Variants in PDE4A observed in about 807,000 individuals in gnomAD.
PDE4A encodes phosphodiesterase 4A.
In PDE4A, 21 loss-of-function variants were observed where a neutral mutation model predicts 73.9. The observed-to-expected ratio is 0.28, with a 90% CI of 0.20 to 0.41. PDE4A has a LOEUF of 0.41. Ranked by LOEUF, PDE4A falls within the 10% of genes least tolerant of loss-of-function variation. The pLI, the probability that PDE4A is intolerant of heterozygous loss-of-function variation, is 1.00. For missense variants in PDE4A, 958 were observed against 1,211.4 expected (o/e 0.79, Z 3.10); for synonymous variants, 463 against 505.4 (o/e 0.92, Z 1.13).
At chr19:10,427,499 T>C (rs2042733079) in intron 1 of PDE4A, 2 of 985,380 alleles carry the variant, frequency 2.0e-6, no homozygotes, top group African/African-American at 1.7e-5. Context: ...TAAGGGCTCA[T>C]AGACCATTAG....
At chr19:10,435,561 A>AAC (rs35022243) in intron 1 of PDE4A, among the ~76,000 whole-genome samples, 37,962 of 145,228 alleles carry the variant, frequency 0.26, 5,022 homozygotes, top group East Asian at 0.49. Flanking sequence ...ACCCTGTATC[A>AAC]ACACACACAC....
At chr19:10,449,357 T>C (rs1599434236) in intron 4 of PDE4A, among the ~76,000 whole-genome samples, 1 of 144,592 alleles carries the variant, frequency 6.9e-6, no homozygotes, top group Admixed American at 6.7e-5. Flanking sequence ...GTTTTTTGTT[T>C]TTTGTTTGTT....
chr19:10,453,397 T>C lies in PDE4A; in HGVS notation c.784-1432T>C. The C allele has an allele frequency of 1.9e-6, 3 of 1,539,074 alleles. No homozygotes were observed. Among genetic ancestry groups the C allele is most frequent in the Non-Finnish European group, 8.8e-7 (1 of 1,139,502 alleles). ...GCTGGGCCCCCGGTGTGGGCTTGTG[T>C]GTGCAGCTGTGCACGTGTGTGGCCT... On this transcript the variant is annotated intron_variant, in intron 6 of 14. Coordinates refer to ENST00000380702, the MANE Select transcript of PDE4A (RefSeq NM_001111307.2). The surrounding 1 kb of genome is among the most constrained non-coding windows in gnomAD (Gnocchi z 4.6).
chr19:10,434,244 A>C (rs1599412684), intron 1 of PDE4A, among the ~76,000 whole-genome samples: 3 of 130,990 alleles, frequency 2.3e-5, no homozygotes, highest in African/African-American at 3.0e-5. Context: ...TCGCTCTGTC[A>C]CCCAGGCTGG....
At chr19:10,439,983 T>A in intron 1 of PDE4A, among the ~76,000 whole-genome samples, 1 of 57,686 alleles carries the variant, frequency 1.7e-5, no homozygotes, top group African/African-American at 1.1e-4. Flanking sequence ...TGGTATCTCC[T>A]TTTTTTTTTT....
At chr19:10,420,164 G>C (rs2042629759), upstream of PDE4A, 1 of 153,534 alleles carries the variant, frequency 6.5e-6, no homozygotes, top group Non-Finnish European at 1.4e-5. This position sits in a 1 kb window ranked among gnomAD's most constrained non-coding sequence, Gnocchi z 6.0. Flanking sequence ...GCCAGGGGTA[G>C]CGGCGAGGAC....
At chr19:10,419,203 T>A, upstream of PDE4A, 1 of 203,496 alleles carries the variant, frequency 4.9e-6, no homozygotes, top group Non-Finnish European at 7.7e-6. Context: ...CAGAGCAGTT[T>A]CGCGTTCGAG....
intron 2 of PDE4A, among the ~76,000 whole-genome samples, chr19:10,447,218 T>TC (rs2043020165): frequency 5.6e-5 from 2 of 35,470 alleles, no homozygotes; most frequent in African/African-American, 4.8e-4. Context: ...TTTTTTTCTC[T>TC]TTTTTTTTTT....
At chr19:10,443,893 G>A (rs2145514927) in intron 1 of PDE4A, among the ~76,000 whole-genome samples, 1 of 151,528 alleles carries the variant, frequency 6.6e-6, no homozygotes, top group Admixed American at 6.6e-5. Context: ...TGTAATCCCA[G>A]CTACTCGGGA....
In PDE4A at chr19:10,457,951, G is replaced by C; in HGVS notation, c.950G>C (p.Arg317Thr). The C allele has an allele frequency of 6.2e-7, 1 of 1,613,502 alleles. No individual in the cohort carries two copies. The highest frequency in any genetic ancestry group is 8.5e-7 in the Non-Finnish European group (1 of 1,180,022). The change falls in exon 8 of 15, where the codon AGA becomes ACA. Residue 317 changes from arginine (R) to threonine (T), a missense_variant. Arg to Thr is a moderately conservative substitution (Grantham distance 71, BLOSUM62 -1). Transcript: ENST00000380702. ...GAAAAACAGCAAGCGCCGCGACCAA[G>C]ACCCTCCCAGCCGCCCCCGCCCCCT... is the stretch of plus-strand genomic sequence containing the variant. ...EREKQQAPRP[R>T]PSQPPPPPVP... is the part of the protein sequence containing the mutation.
rs2043208400 is a variant in PDE4A, at chr19:10,458,607, GTTATTTATTT to G, written c.1101+516_1101+525del. 1.3e-5 allele frequency among the ~76,000 whole-genome samples: 2 copies of G among 152,198 alleles called. No individual in the cohort carries two copies. The highest frequency in any genetic ancestry group is 1.3e-4 in the Admixed American group (2 of 15,264). ...CTTCCATTCAGTCACCTGGCCTTTA[GTTATTTATTT>G]TTATTTATTTATTTATTTTGAGATG... On this transcript the variant is annotated intron_variant, in intron 8 of 14. Coordinates refer to ENST00000380702, the MANE Select transcript of PDE4A (RefSeq NM_001111307.2). This position sits in a 1 kb window ranked among gnomAD's most constrained non-coding sequence, Gnocchi z 4.6.
In PDE4A at chr19:10,446,324, C is replaced by T. The variant is rs753124606; in HGVS notation, c.427C>T (p.Arg143Trp). ...LHAGAATSQR[R>W]ESFLYRSDSD... is the part of the protein sequence containing the mutation. ...CGCCGGGGCGGCCACCAGCCAGCGC[C>T]GGGAGTCCTTCCTGTACCGCTCAGA... Residue 143 changes from arginine to tryptophan, a missense_variant, in exon 2 of 15, where the codon CGG becomes TGG. Physicochemically the swap from Arg to Trp is moderately radical, Grantham distance 101 (BLOSUM62 -3). Transcript: ENST00000380702. The T allele has an allele frequency of 1.9e-6, 3 of 1,613,568 alleles. No individual in the cohort carries two copies. The highest frequency in any genetic ancestry group is 2.5e-6 in the Non-Finnish European group (3 of 1,179,768).
chr19:10,418,765 C>A, upstream of PDE4A: 1 of 985,356 alleles, frequency 1.0e-6, no homozygotes, highest in Non-Finnish European at 1.2e-6. Context: ...GCACTCCCAC[C>A]CGCTTCCAGA....
intron 1 of PDE4A, 197 bp downstream of exon 1, chr19:10,421,281 C>T: frequency 3.0e-6 from 3 of 985,388 alleles, no homozygotes; most frequent in Non-Finnish European, 3.6e-6. Flanking sequence ...TGCTGAAGCC[C>T]ATCCTGGGGT....
intron 1 of PDE4A, among the ~76,000 whole-genome samples, chr19:10,421,766 T>C (rs1050562642): frequency 2.0e-5 from 3 of 151,640 alleles, no homozygotes; most frequent in Non-Finnish European, 1.5e-5. Flanking sequence ...AGGGAAGGAG[T>C]CCCTGACTGC....
chr19:10,448,059 C>T (rs977627972), intron 2 of PDE4A, among the ~76,000 whole-genome samples: 4 of 151,960 alleles, frequency 2.6e-5, no homozygotes, highest in Admixed American at 2.0e-4. Context: ...ATTCTGAGAC[C>T]AGCCTGGCCA....
rs934328796 is a variant in PDE4A at position 10,449,236 on chromosome 19, G to C, written c.620+86G>C. Reference sequence around the variant, plus strand: ...TCTCAGCCCTGCTGTGTGACCTCTGGCAGGCAGGTGACCTCTCTGAACCTC... The same window carrying C: ...TCTCAGCCCTGCTGTGTGACCTCTGCCAGGCAGGTGACCTCTCTGAACCTC... On this transcript the variant is annotated intron_variant, in intron 4 of 14. Coordinates refer to ENST00000380702, the MANE Select transcript of PDE4A (RefSeq NM_001111307.2). The C allele has an allele frequency of 9.8e-6, 14 of 1,435,560 alleles. No homozygotes were observed. The Admixed American group carries it at 2.5e-4, about 26-fold the overall frequency. 88.9% of individuals were successfully genotyped at this position (1,435,560 alleles called of 1,614,324 possible). A position where few individuals can be genotyped will look rare whatever the true frequency, so the allele number is the denominator to read the frequency against.
chr19:10,450,427 A>G (rs2043071402), intron 4 of PDE4A, 176 bp from the exon 5 acceptor site: 3 of 921,788 alleles, frequency 3.3e-6, no homozygotes, highest in African/African-American at 1.8e-5. Flanking sequence ...TTCCACATCT[A>G]TAAAATGGAT....
intron 4 of PDE4A, 130 bp from the exon 5 acceptor site, chr19:10,450,473 A>G: frequency 1.4e-6 from 2 of 1,449,034 alleles, no homozygotes; most frequent in South Asian, 1.5e-5. Flanking sequence ...GGCAGAGTAC[A>G]TGGCAGCGTC....
Sources: gnomAD v4.1 joint callset for allele counts (sites outside exome capture counted in the v4.1 genomes callset) on GRCh38, gnomAD v4.1.1 for gene constraint, Gnocchi (gnomAD v3.1) non-coding constraint, MANE v1.5 for transcripts, NCBI Gene and HGNC (gene_info 2026-07-23, HGNC 2026-07-21) for gene names.